ZNF519: variants seen among roughly 807,000 people sequenced by gnomAD.
ZNF519 encodes similar to Zinc finger protein 85 (Zinc finger protein HPF4) (HTF1).
ZNF519 carries 7 observed loss-of-function variants against 7.4 expected under a neutral mutation model. The ratio of observed to expected loss-of-function variants is 0.94; its 90% CI spans 0.54 to 1.77. The LOEUF is 1.77. Among genes scored for constraint, ZNF519 ranks in the 40% most tolerant of loss-of-function variants. The probability of loss-of-function intolerance (pLI) is 0.00; values close to 1 mark genes in which losing one functional copy is unlikely to be tolerated. For missense variants in ZNF519, 586 were observed against 623.1 expected, an observed-to-expected ratio of 0.94 and a Z score of 0.63; for synonymous variants, 179 against 203.3, an observed-to-expected ratio of 0.88 and a Z score of 1.02.
chr18:14,102,008 T>C lies in ZNF519; in HGVS notation c.*2909A>G, dbSNP rs2046164462. On this transcript the variant is annotated 3_prime_UTR_variant, in exon 3 of 3. Coordinates refer to ENST00000590202, the MANE Select transcript of ZNF519 (RefSeq NM_145287.4). ...AGGAATAAAGAGGTTTCCTACTGAT[T>C]ATGTTTTTTGAGAATTTTATGCCCT... 3.0e-6 allele frequency: 1 copy of C among 333,136 alleles called. No homozygotes were observed. The highest frequency in any genetic ancestry group is 5.4e-6 in the Non-Finnish European group (1 of 186,116). The allele number at this position is 333,136 out of a possible 1,614,324, so 20.6% of individuals were successfully genotyped here.
intron 1 of ZNF519, among the ~76,000 whole-genome samples, chr18:14,128,716 C>G (rs1193232193): frequency 7.4e-6 from 1 of 134,804 alleles, no homozygotes; most frequent in Non-Finnish European, 1.7e-5. Context: ...CACACACACA[C>G]ACACACACAA....
Position 14,105,269 on chromosome 18 carries a change from C to G in ZNF519, c.1271G>C (p.Arg424Thr). 1 of 1,613,302 alleles carries G rather than the reference C, an allele frequency of 6.2e-7. No homozygotes were observed. The change falls in exon 3 of 3, where the codon AGA becomes ACA. Residue 424 changes from arginine (R) to threonine (T), a missense_variant. Physicochemically the swap from Arg to Thr is moderately conservative, Grantham distance 71 (BLOSUM62 -1). Transcript: ENST00000590202. Reference sequence around the variant, plus strand: ...GAAGTGTTTCTCTCCAGTATGGATTCTCTGATGTTGAGTAAGGTGTGAAGC... The same window carrying G: ...GAAGTGTTTCTCTCCAGTATGGATTGTCTGATGTTGAGTAAGGTGTGAAGC... ...NRASHLTQHQRIHTGEKHFKC... is the reference protein window; with the variant it reads ...NRASHLTQHQTIHTGEKHFKC...
intron 3 of ZNF519, among the ~76,000 whole-genome samples, chr18:14,079,847 T>G (rs894818585): frequency 6.6e-6 from 1 of 152,164 alleles, no homozygotes; most frequent in Non-Finnish European, 1.5e-5. Context: ...AGTTTAGCAA[T>G]GGCTTTTTAG....
intron 2 of ZNF519, among the ~76,000 whole-genome samples, chr18:14,089,692 C>T (rs12327524): frequency 0.016 from 2,385 of 152,190 alleles, 65 homozygotes; most frequent in African/African-American, 0.055. Flanking sequence ...TTGTATACTA[C>T]AGGGAATATG....
intron 2 of ZNF519, among the ~76,000 whole-genome samples, chr18:14,116,515 T>C (rs1373649572): frequency 6.6e-6 from 1 of 152,182 alleles, no homozygotes; most frequent in Non-Finnish European, 1.5e-5. Flanking sequence ...ATTGTGTATA[T>C]GGTCAAATGA....
At chr18:14,098,743 T>C (rs2046147857), downstream of ZNF519, among the ~76,000 whole-genome samples, 1 of 152,158 alleles carries the variant, frequency 6.6e-6, no homozygotes, top group South Asian at 2.1e-4. Flanking sequence ...CAACAGACAT[T>C]TGCAACGTCT....
At chr18:14,111,667 A>G (rs1228895376) in intron 2 of ZNF519, among the ~76,000 whole-genome samples, 2 of 152,136 alleles carry the variant, frequency 1.3e-5, no homozygotes, top group Non-Finnish European at 2.9e-5. Flanking sequence ...TAGATGCCAT[A>G]AATTGGAAAA....
chr18:14,093,342 AAGTTG>A (rs1403262951), intron 2 of ZNF519, among the ~76,000 whole-genome samples: 1 of 152,056 alleles, frequency 6.6e-6, no homozygotes, highest in Non-Finnish European at 1.5e-5. Flanking sequence ...GTTCAAATTA[AAGTTG>A]AGTTTAGTTC....
At chr18:14,110,722 TAAC>T (rs1674087129) in intron 2 of ZNF519, among the ~76,000 whole-genome samples, 1 of 152,166 alleles carries the variant, frequency 6.6e-6, no homozygotes, top group Admixed American at 6.5e-5. Flanking sequence ...TGGGAACACT[TAAC>T]AAATAAAATG....
chr18:14,117,412 A>G (rs2046251167), intron 2 of ZNF519, among the ~76,000 whole-genome samples: 1 of 152,214 alleles, frequency 6.6e-6, no homozygotes, highest in South Asian at 2.1e-4. Flanking sequence ...TATCAAGCAA[A>G]CAAAAAATAA....
intron 3 of ZNF519, among the ~76,000 whole-genome samples, chr18:14,079,345 A>G (rs2046061304): frequency 6.6e-6 from 1 of 152,268 alleles, no homozygotes; most frequent in South Asian, 2.1e-4. Context: ...CATCAAATTT[A>G]TCTACATATT....
chr18:14,106,564 C>G (rs1053245199), intron 2 of ZNF519, 155 bp from the exon 3 acceptor site: 11 of 506,588 alleles, frequency 2.2e-5, no homozygotes, highest in African/African-American at 2.0e-4. Context: ...AAATAGAAGG[C>G]TCCAGTGATC....
intron 1 of ZNF519, among the ~76,000 whole-genome samples, chr18:14,126,023 T>C (rs1044891116): frequency 3.9e-5 from 6 of 152,100 alleles, no homozygotes; most frequent in African/African-American, 9.7e-5. Flanking sequence ...CCAAAGTATA[T>C]AGTTTTTCCC....
chr18:14,106,369 T>C lies in ZNF519; in HGVS notation c.171A>G (p.Gln57=). 3 of 1,607,696 alleles carry C rather than the reference T, an allele frequency of 1.9e-6. No individual in the cohort carries two copies. The highest frequency in any genetic ancestry group is 1.7e-6 in the Non-Finnish European group (2 of 1,178,146). ...SYYNQGILPE[Q]GIQDSFKKAT... ...CTTTTTTGAATGAATCTTGTATGCCTTGCTCTGGTAAAATGCCTTGGTTGT... is the reference window on the plus strand; with the variant it reads ...CTTTTTTGAATGAATCTTGTATGCCCTGCTCTGGTAAAATGCCTTGGTTGT... The change falls in exon 3 of 3, where the codon CAA becomes CAG. Residue 57 remains glutamine, a synonymous_variant. Coordinates refer to ENST00000590202, the MANE Select transcript of ZNF519 (RefSeq NM_145287.4).
At chr18:14,121,653 A>T (rs2046270284) in intron 2 of ZNF519, 1 of 152,112 alleles carries the variant, frequency 6.6e-6, no homozygotes, top group African/African-American at 2.4e-5. Context: ...TCATTTTCTT[A>T]AACAATATGT....
chr18:14,084,970 T>A (rs1016303228), exon 3 of ZNF519: 6 of 152,172 alleles, frequency 3.9e-5, no homozygotes, highest in African/African-American at 1.4e-4. Flanking sequence ...CACAGTATCA[T>A]CCTTGAGGGA....
chr18:14,114,163 TTTGC>T (rs1296143601), intron 2 of ZNF519, among the ~76,000 whole-genome samples: 1 of 152,166 alleles, frequency 6.6e-6, no homozygotes, highest in African/African-American at 2.4e-5. Flanking sequence ...TTTGTCCATT[TTTGC>T]TTTGGTTGCC....
intron 2 of ZNF519, among the ~76,000 whole-genome samples, chr18:14,110,476 GAACTC>G (rs1487829382): frequency 6.6e-6 from 1 of 151,892 alleles, no homozygotes; most frequent in Non-Finnish European, 1.5e-5. Context: ...AATCTATACA[GAACTC>G]AAATAAATTA....
chr18:14,119,301 G>T (rs953474171), intron 2 of ZNF519, among the ~76,000 whole-genome samples: 5 of 152,166 alleles, frequency 3.3e-5, no homozygotes, highest in African/African-American at 9.7e-5. Context: ...TGTAACCATT[G>T]TTAGATCCTT....
Sources: gnomAD v4.1 joint callset for allele counts (sites outside exome capture counted in the v4.1 genomes callset) on GRCh38, gnomAD v4.1.1 for gene constraint, MANE v1.5 for transcripts, NCBI Gene and HGNC (gene_info 2026-07-23, HGNC 2026-07-21) for gene names.